The following ASIC2 variants were observed in gnomAD, a reference collection of about 807,000 sequenced individuals.
The protein encoded by ASIC2 is acid-sensing ion channel 2.
ASIC2 carries 25 observed loss-of-function variants against 57.3 expected under a neutral mutation model. The ratio of observed to expected loss-of-function variants is 0.44; its 90% confidence interval spans 0.32 to 0.61. The LOEUF (loss-of-function observed/expected upper bound fraction) is 0.61, where lower values mean the gene tolerates loss of function less well. Among genes scored for constraint, ASIC2 ranks in the 20% least tolerant of loss-of-function variants. The pLI is 0.06. For synonymous variants in ASIC2, 319 were observed against 307.5 expected, an observed-to-expected ratio of 1.04 and a Z score of -0.39; for missense variants, 641 against 738.1, an observed-to-expected ratio of 0.87 and a Z score of 1.52.
chr17:33,194,617 A>C (rs1342158982), intron 1 of ASIC2, among the ~76,000 whole-genome samples: 1 of 152,198 alleles, frequency 6.6e-6, no homozygotes, highest in Non-Finnish European at 1.5e-5. Context: ...GATTATGTAC[A>C]ACCTGAAGCC....
intron 1 of ASIC2, among the ~76,000 whole-genome samples, chr17:33,139,441 C>G (rs2092378751): frequency 6.6e-6 from 1 of 152,206 alleles, no homozygotes; most frequent in African/African-American, 2.4e-5. Context: ...TAAATATGAT[C>G]CCCTTTTTGC....
intron 1 of ASIC2, among the ~76,000 whole-genome samples, chr17:33,695,805 T>G (rs1259567982): frequency 2.0e-5 from 3 of 152,204 alleles, no homozygotes. Flanking sequence ...TTCTTCCTAG[T>G]CCACAGTTTT....
chr17:33,342,108 A>G (rs1192754866), intron 1 of ASIC2, among the ~76,000 whole-genome samples: 6 of 152,228 alleles, frequency 3.9e-5, no homozygotes, highest in Non-Finnish European at 2.9e-5. Flanking sequence ...CACCACTATC[A>G]AGTGGCAGGT....
chr17:33,149,274 C>A (rs1338169623), intron 1 of ASIC2, among the ~76,000 whole-genome samples: 1 of 152,060 alleles, frequency 6.6e-6, no homozygotes, highest in East Asian at 1.9e-4. Context: ...TGGTGTTTTT[C>A]CAGCTGTCTT....
At chr17:33,989,813 AG>A (rs1479248725) in intron 1 of ASIC2, among the ~76,000 whole-genome samples, 2 of 152,220 alleles carry the variant, frequency 1.3e-5, no homozygotes, top group Non-Finnish European at 2.9e-5. Context: ...TCGTATTAAC[AG>A]GAGAGAAAAG....
intron 1 of ASIC2, among the ~76,000 whole-genome samples, chr17:33,541,060 G>GTT (rs1053896941): frequency 6.8e-6 from 1 of 146,806 alleles, no homozygotes; most frequent in Non-Finnish European, 1.5e-5. Context: ...TGGGCATGTT[G>GTT]TTTTTTTTTC....
At chr17:33,703,328 T>C (rs867974649) in intron 1 of ASIC2, among the ~76,000 whole-genome samples, 5 of 151,946 alleles carry the variant, frequency 3.3e-5, no homozygotes, top group Non-Finnish European at 7.4e-5. Context: ...TTTCTTTTTT[T>C]TTTTGTTGCT....
chr17:33,822,260 C>G (rs140079497), intron 1 of ASIC2, among the ~76,000 whole-genome samples: 82 of 152,290 alleles, frequency 5.4e-4, no homozygotes, highest in African/African-American at 1.9e-3. Context: ...TAGGTACAAA[C>G]AGTTCTCCCG....
At chr17:33,132,269 C>A (rs563141478) in intron 1 of ASIC2, among the ~76,000 whole-genome samples, 1 of 152,334 alleles carries the variant, frequency 6.6e-6, no homozygotes, top group African/African-American at 2.4e-5. Flanking sequence ...AATGATGGTT[C>A]TGCCCCCAAA....
At chr17:33,668,008 A>T (rs2142049363) in intron 1 of ASIC2, among the ~76,000 whole-genome samples, 1 of 152,344 alleles carries the variant, frequency 6.6e-6, no homozygotes, top group Admixed American at 6.5e-5. Flanking sequence ...TTAGATCACC[A>T]ACATATTATT....
chr17:33,582,432 G>A (rs982451688), intron 1 of ASIC2, among the ~76,000 whole-genome samples: 2 of 152,182 alleles, frequency 1.3e-5, no homozygotes, highest in Admixed American at 6.5e-5. Flanking sequence ...CAAGGGTGCT[G>A]AGAGGTTAGC....
At chr17:33,383,618 C>T (rs1909566633) in intron 1 of ASIC2, among the ~76,000 whole-genome samples, 1 of 152,226 alleles carries the variant, frequency 6.6e-6, no homozygotes, top group African/African-American at 2.4e-5. Flanking sequence ...ACTGTCTGGA[C>T]ATCTAGAGAC....
intron 2 of ASIC2, among the ~76,000 whole-genome samples, chr17:33,094,625 G>T (rs1357628367): frequency 6.6e-6 from 1 of 152,170 alleles, no homozygotes; most frequent in Admixed American, 6.5e-5. Context: ...GTACCACAAA[G>T]GGAAGGACGG....
intron 1 of ASIC2, among the ~76,000 whole-genome samples, chr17:33,174,868 G>A (rs1905680427): frequency 6.6e-6 from 1 of 152,096 alleles, no homozygotes; most frequent in African/African-American, 2.4e-5. Flanking sequence ...AGATTTGGAG[G>A]TTGTTTCTTC....
At chr17:33,323,099 G>A (rs1906932944) in intron 1 of ASIC2, among the ~76,000 whole-genome samples, 1 of 152,166 alleles carries the variant, frequency 6.6e-6, no homozygotes, top group Non-Finnish European at 1.5e-5. Context: ...GTGCAAATTA[G>A]TACAACTGTT....
chr17:34,056,437 G>A (rs1298724781), intron 1 of ASIC2, among the ~76,000 whole-genome samples: 1 of 152,184 alleles, frequency 6.6e-6, no homozygotes, highest in Non-Finnish European at 1.5e-5. Context: ...ATAGCTACCT[G>A]TGACACTGTG....
rs11402799 is a variant in ASIC2, at chr17:33,344,932, GT to G, written c.556-232866del. On this transcript the variant is annotated intron_variant, in intron 1 of 9. Transcript: ENST00000359872. ...CCACTATATATGCAACAAAACCTTGGTTTTTTTTTTTTTAGCTGGGGACAGC... is the reference window on the plus strand; with the variant it reads ...CCACTATATATGCAACAAAACCTTGGTTTTTTTTTTTTAGCTGGGGACAGC... Among the ~76,000 whole-genome samples the G allele has an allele frequency of 8.5e-4, 123 of 145,170 alleles. 1 individual carries two copies. The highest frequency in any genetic ancestry group is 9.6e-4 in the Admixed American group (14 of 14,566).
chr17:34,129,340 G>C (rs895630160), intron 1 of ASIC2, among the ~76,000 whole-genome samples: 1 of 152,122 alleles, frequency 6.6e-6, no homozygotes, highest in African/African-American at 2.4e-5. Context: ...CTCTCCACTT[G>C]TACAGCATAA....
intron 1 of ASIC2, among the ~76,000 whole-genome samples, chr17:33,443,618 G>A (rs1466908574): frequency 5.3e-5 from 8 of 150,084 alleles, no homozygotes; most frequent in South Asian, 2.1e-4. Context: ...GGGTTTCACC[G>A]TTTTAGCCGG....
Sources: gnomAD v4.1 joint callset for allele counts (sites outside exome capture counted in the v4.1 genomes callset) on GRCh38, gnomAD v4.1.1 for gene constraint, MANE v1.5 for transcripts, NCBI Gene and HGNC (gene_info 2026-07-23, HGNC 2026-07-21) for gene names.